The following CTNNA3 variants were observed in gnomAD, a reference collection of about 807,000 sequenced individuals.
CTNNA3 encodes catenin alpha 3.
In CTNNA3, 76 loss-of-function variants were observed where a neutral mutation model predicts 95.7. The ratio of observed to expected loss-of-function variants is 0.79; its 90% confidence interval spans 0.66 to 0.96. CTNNA3 has a LOEUF of 0.96. CTNNA3 is among the 40% of genes least tolerant of loss of function. The pLI is 0.00. For missense variants in CTNNA3, 1,191 were observed against 1,089.8 expected (o/e 1.09, Z -1.31); for synonymous variants, 431 against 374.4 (o/e 1.15, Z -1.74).
chr10:66,608,320 G>A lies in CTNNA3; in HGVS notation c.1374+13372C>T, dbSNP rs72799247. Among the ~76,000 whole-genome samples the A allele has an allele frequency of 7.9e-3, 1,196 of 152,058 alleles. 7 individuals carry two copies. The highest frequency in any genetic ancestry group is 9.8e-3 in the Non-Finnish European group (667 of 67,930). ...AGATGACACAAACAAATGGCGAAAC[G>A]TCCCATGCTCATGAATAGGAAGAAT... On this transcript the variant is annotated intron_variant, in intron 10 of 17. Coordinates refer to ENST00000433211, the MANE Select transcript of CTNNA3 (RefSeq NM_013266.4).
chr10:67,306,946 T>C (rs1840578426), intron 5 of CTNNA3, among the ~76,000 whole-genome samples: 1 of 152,108 alleles, frequency 6.6e-6, no homozygotes, highest in Non-Finnish European at 1.5e-5. Flanking sequence ...AGTAAACATT[T>C]TGCACACAGA....
At chr10:66,292,542 A>G (rs1458887819) in intron 12 of CTNNA3, among the ~76,000 whole-genome samples, 3 of 152,152 alleles carry the variant, frequency 2.0e-5, no homozygotes, top group Non-Finnish European at 2.9e-5. Flanking sequence ...CCTATTCACT[A>G]AAGTTCTGCC....
intron 7 of CTNNA3, among the ~76,000 whole-genome samples, chr10:67,047,602 T>C (rs1203610714): frequency 6.6e-6 from 1 of 152,168 alleles, no homozygotes; most frequent in African/African-American, 2.4e-5. Context: ...CAGGCTCTCG[T>C]ATAGGCAATA....
intron 10 of CTNNA3, among the ~76,000 whole-genome samples, chr10:66,539,633 C>A (rs996176382): frequency 6.6e-6 from 1 of 152,110 alleles, no homozygotes; most frequent in African/African-American, 2.4e-5. Flanking sequence ...GGCCTTTTAC[C>A]TTCCCATGGG....
intron 7 of CTNNA3, among the ~76,000 whole-genome samples, chr10:66,835,782 T>C (rs1411374525): frequency 1.3e-5 from 2 of 152,166 alleles, no homozygotes; most frequent in Non-Finnish European, 2.9e-5. Flanking sequence ...CCTAGCTCTT[T>C]CTTAGAGCAG....
At chr10:66,651,070 A>C (rs1845879803) in intron 9 of CTNNA3, among the ~76,000 whole-genome samples, 1 of 152,138 alleles carries the variant, frequency 6.6e-6, no homozygotes, top group Non-Finnish European at 1.5e-5. Flanking sequence ...CTTTAGCTAG[A>C]CACAAAAGTT....
At chr10:65,930,898 G>A (rs2077242399) in intron 17 of CTNNA3, among the ~76,000 whole-genome samples, 1 of 152,034 alleles carries the variant, frequency 6.6e-6, no homozygotes, top group Admixed American at 6.6e-5. Context: ...AAGAGCAATG[G>A]GATGCATAGA....
intron 7 of CTNNA3, among the ~76,000 whole-genome samples, chr10:66,935,200 T>C (rs768243766): frequency 4.6e-5 from 7 of 152,240 alleles, no homozygotes; most frequent in Non-Finnish European, 1.0e-4. Context: ...ACAAGAGCTT[T>C]AAAGGAAACT....
chr10:67,104,313 A>T (rs1858503739), intron 7 of CTNNA3, among the ~76,000 whole-genome samples: 1 of 151,884 alleles, frequency 6.6e-6, no homozygotes, highest in South Asian at 2.1e-4. Flanking sequence ...TATTCCTTAT[A>T]GGAGTATTAT....
chr10:67,484,981 G>A (rs543331739), intron 5 of CTNNA3, among the ~76,000 whole-genome samples: 7 of 152,084 alleles, frequency 4.6e-5, no homozygotes, highest in Non-Finnish European at 1.0e-4. Flanking sequence ...ATAACCAAAA[G>A]AAAATAAATC....
In CTNNA3 at chr10:66,468,089, G is replaced by T. The variant is rs144295403; in HGVS notation, c.1531+52528C>A. Among the ~76,000 whole-genome samples, 1,462 of 151,986 alleles carry T rather than the reference G, an allele frequency of 9.6e-3. 25 individuals are homozygous for T. Among genetic ancestry groups the T allele is most frequent in the African/African-American group, 0.034 (1,393 of 41,476 alleles). On this transcript the variant is annotated intron_variant, in intron 11 of 17. Coordinates refer to ENST00000433211, the MANE Select transcript of CTNNA3 (RefSeq NM_013266.4). ...ATTATACTATAATAGAGAAAATAGC[G>T]ATTTTAATTTTGAAGCAAATCAAGA...
chr10:66,447,271 T>C (rs1298688943), intron 11 of CTNNA3, among the ~76,000 whole-genome samples: 2 of 152,114 alleles, frequency 1.3e-5, no homozygotes, highest in Non-Finnish European at 2.9e-5. Flanking sequence ...ATAGATTCCA[T>C]GCCATCCTCA....
chr10:65,914,472 A>T lies in CTNNA3; in HGVS notation c.*5858T>A, dbSNP rs1350017879. 1 of 152,138 alleles carries T rather than the reference A, an allele frequency of 6.6e-6. No homozygotes were observed. The highest frequency in any genetic ancestry group is 2.4e-5 in the African/African-American group (1 of 41,424). 9.4% of individuals were successfully genotyped at this position (152,138 alleles called of 1,614,324 possible). On this transcript the variant is annotated 3_prime_UTR_variant, in exon 18 of 18. Transcript: ENST00000433211. ...CTAAAAAAGGCCATGTAATTTTAAAACACAAAGTTTACCTGTATTCAGGCA... is the reference window on the plus strand; with the variant it reads ...CTAAAAAAGGCCATGTAATTTTAAATCACAAAGTTTACCTGTATTCAGGCA...
At chr10:66,344,750 C>T (rs554377628) in intron 12 of CTNNA3, among the ~76,000 whole-genome samples, 16 of 152,008 alleles carry the variant, frequency 1.1e-4, no homozygotes, top group Non-Finnish European at 2.2e-4. Flanking sequence ...ATCCTTCAGA[C>T]GAACTGACCA....
Position 66,297,105 on chromosome 10 carries a change from A to T in CTNNA3, c.1733-16484T>A, listed in dbSNP as rs114653896. ...AATGAAATATAATGTGTGAGCAGATAGATTCTATGAGTTTATGTGTGAACT... is the reference window on the plus strand; with the variant it reads ...AATGAAATATAATGTGTGAGCAGATTGATTCTATGAGTTTATGTGTGAACT... On this transcript the variant is annotated intron_variant, in intron 12 of 17. Coordinates refer to ENST00000433211, the MANE Select transcript of CTNNA3 (RefSeq NM_013266.4). Among the ~76,000 whole-genome samples the T allele has an allele frequency of 8.2e-3, 1,253 of 152,336 alleles. 18 individuals are homozygous for T. The highest frequency in any genetic ancestry group is 0.029 in the African/African-American group (1,193 of 41,580).
chr10:67,156,592 T>C (rs1861318853), intron 7 of CTNNA3, among the ~76,000 whole-genome samples: 1 of 152,136 alleles, frequency 6.6e-6, no homozygotes, highest in African/African-American at 2.4e-5. Flanking sequence ...TTCCAGTTTT[T>C]CTTCTGCTAC....
chr10:67,154,639 G>A (rs764055079), intron 7 of CTNNA3, among the ~76,000 whole-genome samples: 16 of 152,048 alleles, frequency 1.1e-4, no homozygotes, highest in East Asian at 1.9e-4. Flanking sequence ...ATACAAACCC[G>A]CTACACGGCT....
At chr10:66,046,243 A>C (rs545729062) in intron 15 of CTNNA3, among the ~76,000 whole-genome samples, 32 of 152,280 alleles carry the variant, frequency 2.1e-4, no homozygotes, top group African/African-American at 7.7e-4. Context: ...AGATCTTTGT[A>C]ACCTTCAGGT....
chr10:66,461,813 A>AGTTTT, intron 11 of CTNNA3, among the ~76,000 whole-genome samples: 1 of 131,046 alleles, frequency 7.6e-6, no homozygotes, highest in African/African-American at 2.9e-5. Context: ...GTATATCTCC[A>AGTTTT]ATTTTTTTTT....
Sources: gnomAD v4.1 joint callset for allele counts (sites outside exome capture counted in the v4.1 genomes callset) on GRCh38, gnomAD v4.1.1 for gene constraint, MANE v1.5 for transcripts, NCBI Gene and HGNC (gene_info 2026-07-23, HGNC 2026-07-21) for gene names.